PAPPA2: variants seen among roughly 807,000 people sequenced by gnomAD.
PAPPA2 encodes pappalysin-2.
A neutral mutation model predicts 176.4 loss-of-function variants in PAPPA2; 86 were observed. The ratio of observed to expected loss-of-function variants is 0.49; its 90% CI spans 0.41 to 0.58. The LOEUF (loss-of-function observed/expected upper bound fraction) is 0.58, where lower values mean the gene tolerates loss of function less well. Ranked by LOEUF, PAPPA2 falls within the 20% of genes least tolerant of loss-of-function variation. The pLI is 0.00. For synonymous variants in PAPPA2, 809 were observed against 852.2 expected (o/e 0.95, Z 0.88); for missense variants, 2,073 against 2,256.9 (o/e 0.92, Z 1.65).
At chr1:176,549,176 C>A (rs1379297710) in intron 1 of PAPPA2, among the ~76,000 whole-genome samples, 1 of 152,196 alleles carries the variant, frequency 6.6e-6, no homozygotes, top group East Asian at 1.9e-4. Context: ...GCTACAGATG[C>A]ATAGGACATC....
chr1:176,773,931 C>T (rs1441045658), intron 17 of PAPPA2, among the ~76,000 whole-genome samples: 1 of 152,134 alleles, frequency 6.6e-6, no homozygotes, highest in Non-Finnish European at 1.5e-5. Context: ...GCACGGATGG[C>T]ATATTCATCC....
At chr1:176,516,054 T>G (rs1203741435) in intron 1 of PAPPA2, among the ~76,000 whole-genome samples, 1 of 152,128 alleles carries the variant, frequency 6.6e-6, no homozygotes, top group African/African-American at 2.4e-5. Context: ...TTGGTGACTT[T>G]CTCTAGTGGC....
At chr1:176,675,082 C>T (rs1011311426) in intron 4 of PAPPA2, among the ~76,000 whole-genome samples, 2 of 151,912 alleles carry the variant, frequency 1.3e-5, no homozygotes, top group Non-Finnish European at 2.9e-5. Flanking sequence ...AACTCTTTGC[C>T]TAAGCCAATG....
intron 7 of PAPPA2, among the ~76,000 whole-genome samples, chr1:176,696,226 G>GACAGTGTA (rs1218120333): frequency 2.0e-5 from 3 of 150,186 alleles, no homozygotes; most frequent in Non-Finnish European, 4.4e-5. Context: ...CGTGCCATGT[G>GACAGTGTA]ACAGTGTAAG....
At chr1:176,819,691 A>G (rs368349097) in intron 21 of PAPPA2, among the ~76,000 whole-genome samples, 13 of 152,362 alleles carry the variant, frequency 8.5e-5, no homozygotes, top group African/African-American at 2.9e-4. Context: ...GAGCCGAGGC[A>G]TAGCCATACT....
rs1262162743 is a variant in PAPPA2, at chr1:176,838,769, T to G, written c.5203-1404T>G. ...CCTGTGCTGAAAGCAGAATTCATTT[T>G]CACTTCTTGCTCACAACTGACATTG... On this transcript the variant is annotated intron_variant, in intron 21 of 22. Transcript: ENST00000367662. Among the ~76,000 whole-genome samples, 4 of 152,248 alleles carry G rather than the reference T, an allele frequency of 2.6e-5. No homozygotes were observed. The East Asian group carries it at 7.7e-4, about 29-fold the overall frequency.
chr1:176,775,983 T>C (rs1003499558), intron 17 of PAPPA2, among the ~76,000 whole-genome samples: 2 of 152,154 alleles, frequency 1.3e-5, no homozygotes, highest in Non-Finnish European at 2.9e-5. Context: ...TATATGTAGT[T>C]TCAGGAGTTC....
chr1:176,503,887 A>G (rs1648102467), intron 1 of PAPPA2, among the ~76,000 whole-genome samples: 1 of 152,174 alleles, frequency 6.6e-6, no homozygotes, highest in South Asian at 2.1e-4. Context: ...ACAAATAAGC[A>G]TTAAGCTCTG....
chr1:176,758,961 G>A (rs1663566037), intron 14 of PAPPA2, among the ~76,000 whole-genome samples: 1 of 152,158 alleles, frequency 6.6e-6, no homozygotes, highest in African/African-American at 2.4e-5. Flanking sequence ...CAGATGGAAG[G>A]CCAAGATGGT....
chr1:176,771,439 G>A (rs1374928430), intron 17 of PAPPA2, among the ~76,000 whole-genome samples: 1 of 152,190 alleles, frequency 6.6e-6, no homozygotes, highest in African/African-American at 2.4e-5. Context: ...TGTTATATGT[G>A]TTACCTGAAT....
At chr1:176,698,332 G>A (rs1423434626) in intron 7 of PAPPA2, among the ~76,000 whole-genome samples, 2 of 152,192 alleles carry the variant, frequency 1.3e-5, no homozygotes, top group Non-Finnish European at 2.9e-5. Context: ...ACTCAGCTAA[G>A]GACACAGGAG....
chr1:176,486,128 C>T (rs1479359081), intron 1 of PAPPA2, among the ~76,000 whole-genome samples: 1 of 152,116 alleles, frequency 6.6e-6, no homozygotes, highest in African/African-American at 2.4e-5. Context: ...CGTGAGGTAC[C>T]CTCCTCAAAG....
At chr1:176,684,457 T>C (rs1659737816) in intron 4 of PAPPA2, among the ~76,000 whole-genome samples, 1 of 152,104 alleles carries the variant, frequency 6.6e-6, no homozygotes, top group African/African-American at 2.4e-5. Context: ...TATGTGTGCA[T>C]TTCTTTTTTC....
At chr1:176,524,405 T>G (rs1272457390) in intron 1 of PAPPA2, among the ~76,000 whole-genome samples, 1 of 152,214 alleles carries the variant, frequency 6.6e-6, no homozygotes, top group Non-Finnish European at 1.5e-5. Flanking sequence ...AGTAGCACAT[T>G]TTAATGAATT....
chr1:176,563,644 C>G (rs1474498313), intron 2 of PAPPA2, among the ~76,000 whole-genome samples: 4 of 152,120 alleles, frequency 2.6e-5, no homozygotes, highest in East Asian at 3.9e-4. Flanking sequence ...CTAACTCATA[C>G]TTTAGAGCAT....
intron 20 of PAPPA2, among the ~76,000 whole-genome samples, chr1:176,797,630 G>A (rs903355259): frequency 2.6e-5 from 4 of 151,780 alleles, no homozygotes; most frequent in Admixed American, 2.6e-4. Flanking sequence ...CTGGGTGACT[G>A]AGACTGTCTC....
intron 2 of PAPPA2, among the ~76,000 whole-genome samples, chr1:176,582,080 C>T (rs1052381262): frequency 1.5e-4 from 22 of 151,590 alleles, no homozygotes; most frequent in Admixed American, 4.6e-4. Context: ...CCCGCCACCA[C>T]GCCCGGCTAA....
intron 4 of PAPPA2, among the ~76,000 whole-genome samples, chr1:176,686,271 C>A (rs1030674428): frequency 2.0e-5 from 3 of 152,066 alleles, no homozygotes; most frequent in Non-Finnish European, 2.9e-5. Context: ...AGGAAACTTA[C>A]AATTATGGTG....
At chr1:176,627,201 C>T (rs1168085589) in intron 3 of PAPPA2, among the ~76,000 whole-genome samples, 1 of 152,138 alleles carries the variant, frequency 6.6e-6, no homozygotes, top group East Asian at 1.9e-4. Flanking sequence ...TTTAGCTATA[C>T]AGACTTGATA....
Sources: allele counts gnomAD v4.1 joint callset (sites outside exome capture counted in the v4.1 genomes callset), GRCh38; gene constraint gnomAD v4.1.1; transcripts MANE v1.5; gene names NCBI Gene and HGNC (gene_info 2026-07-23, HGNC 2026-07-21).